ST8SIA2: variants seen among roughly 807,000 people sequenced by gnomAD.
ST8SIA2 encodes the protein alpha-2,8-sialyltransferase 8B.
In ST8SIA2, 22 loss-of-function variants were observed where a neutral mutation model predicts 37.6. The observed-to-expected ratio is 0.58, with a 90% CI of 0.42 to 0.83. ST8SIA2 has a LOEUF of 0.83. Among genes scored for constraint, ST8SIA2 ranks in the 40% least tolerant of loss-of-function variants. ST8SIA2 has a pLI of 0.00. For missense variants in ST8SIA2, 382 were observed against 484.7 expected, an observed-to-expected ratio of 0.79 and a Z score of 1.99; for synonymous variants, 205 against 201.2, an observed-to-expected ratio of 1.02 and a Z score of -0.16.
intron 4 of ST8SIA2, among the ~76,000 whole-genome samples, chr15:92,442,916 G>T (rs1427732968): frequency 1.3e-5 from 2 of 152,124 alleles, no homozygotes; most frequent in African/African-American, 4.8e-5. Flanking sequence ...GGGCCTTTGA[G>T]CAAGTTGATT....
At chr15:92,405,508 C>T (rs913404592) in intron 1 of ST8SIA2, among the ~76,000 whole-genome samples, 2 of 152,226 alleles carry the variant, frequency 1.3e-5, no homozygotes, top group African/African-American at 4.8e-5. Flanking sequence ...ACAATTGAAA[C>T]ACACACGCGC....
At chr15:92,423,828 A>G (rs532097850) in intron 1 of ST8SIA2, among the ~76,000 whole-genome samples, 1 of 152,266 alleles carries the variant, frequency 6.6e-6, no homozygotes, top group Non-Finnish European at 1.5e-5. Context: ...ACATTCAAGC[A>G]TAGCAGATGG....
At chr15:92,444,610 G>A in intron 4 of ST8SIA2, 26 bp from the exon 5 acceptor site, 1 of 1,614,182 alleles carries the variant, frequency 6.2e-7, no homozygotes, top group Non-Finnish European at 8.5e-7. Context: ...TTCCCAAAAG[G>A]ATCATGTTGC....
At chr15:92,421,909 C>T (rs1161328987) in intron 1 of ST8SIA2, among the ~76,000 whole-genome samples, 2 of 152,160 alleles carry the variant, frequency 1.3e-5, no homozygotes, top group African/African-American at 4.8e-5. Flanking sequence ...ATGTGCCCTC[C>T]CCCACAAAAT....
At chr15:92,419,237 A>G (rs2049612793) in intron 1 of ST8SIA2, among the ~76,000 whole-genome samples, 1 of 152,198 alleles carries the variant, frequency 6.6e-6, no homozygotes, top group South Asian at 2.1e-4. Flanking sequence ...AGGGACAGGA[A>G]CACAAACCAG....
Position 92,466,598 on chromosome 15 carries a change from A to C in ST8SIA2, c.*2213A>C, listed in dbSNP as rs912560098. 3 of 152,222 alleles carry C rather than the reference A, an allele frequency of 2.0e-5. No individual in the cohort carries two copies. Among genetic ancestry groups the C allele is most frequent in the Non-Finnish European group, 4.4e-5 (3 of 68,094 alleles). The allele number at this position is 152,222 out of a possible 1,614,324, so 9.4% of individuals were successfully genotyped here. ...CCAGAACTCCTTGGGGGACCAGAACATGGTTTTCCTTCTGCCTATCTTAGT... is the reference window on the plus strand; with the variant it reads ...CCAGAACTCCTTGGGGGACCAGAACCTGGTTTTCCTTCTGCCTATCTTAGT... On this transcript the variant is annotated 3_prime_UTR_variant, in exon 6 of 6. Coordinates refer to ENST00000268164, the MANE Select transcript of ST8SIA2 (RefSeq NM_006011.4).
chr15:92,438,697 A>T, intron 4 of ST8SIA2, 87 bp downstream of exon 4: 1 of 1,462,024 alleles, frequency 6.8e-7, no homozygotes, highest in East Asian at 2.5e-5. Context: ...CAAGAGATTG[A>T]AACAAGAGGC....
In ST8SIA2 at chr15:92,466,150, C is replaced by T. The variant is rs891649542; in HGVS notation, c.*1765C>T. Reference sequence around the variant, plus strand: ...ACACAAGAACACTCCAGCCCAAAACCGTGAGGAAGGTGATATATCTCTGCA... The same window carrying T: ...ACACAAGAACACTCCAGCCCAAAACTGTGAGGAAGGTGATATATCTCTGCA... On this transcript the variant is annotated 3_prime_UTR_variant, in exon 6 of 6. Transcript: ENST00000268164. 3 of 152,108 alleles carry T rather than the reference C, an allele frequency of 2.0e-5. No homozygotes were observed. The highest frequency in any genetic ancestry group is 6.5e-5 in the Admixed American group (1 of 15,276). 9.4% of individuals were successfully genotyped at this position (152,108 alleles called of 1,614,324 possible).
At chr15:92,416,569 C>T (rs1052620350) in intron 1 of ST8SIA2, among the ~76,000 whole-genome samples, 5 of 151,644 alleles carry the variant, frequency 3.3e-5, no homozygotes, top group African/African-American at 1.2e-4. Flanking sequence ...ATGAAGGAGG[C>T]GGGAAGTCTA....
intron 1 of ST8SIA2, among the ~76,000 whole-genome samples, chr15:92,419,505 A>G (rs1341066532): frequency 6.6e-6 from 1 of 152,160 alleles, no homozygotes; most frequent in African/African-American, 2.4e-5. Flanking sequence ...CAGGACCCGC[A>G]TCCTGTGCCT....
chr15:92,447,497 G>T (rs2049850615), intron 5 of ST8SIA2, among the ~76,000 whole-genome samples: 1 of 152,172 alleles, frequency 6.6e-6, no homozygotes, highest in Non-Finnish European at 1.5e-5. Flanking sequence ...GATCACCAGG[G>T]ATGTGAGGGA....
intron 5 of ST8SIA2, among the ~76,000 whole-genome samples, chr15:92,453,428 A>C (rs2049897430): frequency 6.6e-6 from 1 of 152,230 alleles, no homozygotes; most frequent in Non-Finnish European, 1.5e-5. Flanking sequence ...ACTCAACCAA[A>C]GAGGAAAAAG....
At position 92,434,305 on chromosome 15, in the gene ST8SIA2, A is replaced by G; in HGVS notation, c.220A>G (p.Ser74Gly). 1 of 1,614,232 alleles carries G rather than the reference A, an allele frequency of 6.2e-7. No homozygotes were observed. Among genetic ancestry groups the G allele is most frequent in the Non-Finnish European group, 8.5e-7 (1 of 1,180,044 alleles). The change falls in exon 3 of 6, where the codon AGC (serine) becomes GGC (glycine). Residue 74 changes from serine to glycine, a missense_variant. Transcript: ENST00000268164. Reference sequence around the variant, plus strand: ...AGCTGTTGTTGACAGAAGTAATGAAAGCATCAAGCACAACATCCAGCCAGC... The same window carrying G: ...AGCTGTTGTTGACAGAAGTAATGAAGGCATCAAGCACAACATCCAGCCAGC... ...SPAVVDRSNE[S>G]IKHNIQPASS...
chr15:92,443,999 G>C (rs1489260883), intron 4 of ST8SIA2, among the ~76,000 whole-genome samples: 2 of 152,076 alleles, frequency 1.3e-5, no homozygotes, highest in Non-Finnish European at 2.9e-5. Flanking sequence ...TCTGCTTAGT[G>C]GTCACCACCT....
chr15:92,412,140 C>T (rs958961088), intron 1 of ST8SIA2, among the ~76,000 whole-genome samples: 1 of 151,662 alleles, frequency 6.6e-6, no homozygotes, highest in African/African-American at 2.4e-5. Context: ...GATAAAGGGG[C>T]CAGAGAGGGC....
At chr15:92,446,262 G>A (rs930567988) in intron 5 of ST8SIA2, among the ~76,000 whole-genome samples, 2 of 152,158 alleles carry the variant, frequency 1.3e-5, no homozygotes, top group African/African-American at 2.4e-5. Context: ...CTCCGCATGG[G>A]CTAGATTGGG....
At position 92,452,760 on chromosome 15, in the gene ST8SIA2, C is replaced by T. The variant is rs74339974; in HGVS notation, c.842+7831C>T. 8.7e-3 allele frequency among the ~76,000 whole-genome samples: 1,322 copies of T among 152,226 alleles called. 13 individuals carry two copies. The highest frequency in any genetic ancestry group is 0.022 in the East Asian group (113 of 5,170). On this transcript the variant is annotated intron_variant, in intron 5 of 5. Transcript: ENST00000268164. The stretch of plus-strand genomic sequence containing the variant: ...CAACTTGACGGACAGTTTAGGGAAT[C>T]GAAGGGGACAAATGTTGACTTCTCA...
At chr15:92,455,556 A>G (rs1164460273) in intron 5 of ST8SIA2, among the ~76,000 whole-genome samples, 1 of 152,214 alleles carries the variant, frequency 6.6e-6, no homozygotes, top group Non-Finnish European at 1.5e-5. Context: ...TGGTTTAAGT[A>G]CTGCACCTTG....
chr15:92,462,587 C>G (rs1308598069), intron 5 of ST8SIA2, among the ~76,000 whole-genome samples: 1 of 152,206 alleles, frequency 6.6e-6, no homozygotes, highest in Admixed American at 6.5e-5. Flanking sequence ...GTCTTTACTT[C>G]TGGCCTGAAT....
Sources: allele counts gnomAD v4.1 joint callset (sites outside exome capture counted in the v4.1 genomes callset), GRCh38; gene constraint gnomAD v4.1.1; transcripts MANE v1.5; gene names NCBI Gene and HGNC (gene_info 2026-07-23, HGNC 2026-07-21).